Variants in WDR41 observed in about 807,000 individuals in gnomAD.
The protein encoded by WDR41 is WD repeat-containing protein 41.
A neutral mutation model predicts 69.3 loss-of-function variants in WDR41; 63 were observed. The observed-to-expected ratio is 0.91, with a 90% confidence interval of 0.74 to 1.12. The LOEUF is 1.12. Among genes scored for constraint, WDR41 ranks in the 50% most tolerant of loss-of-function variants. The probability of loss-of-function intolerance (pLI) is 0.00; values close to 1 mark genes in which losing one functional copy is unlikely to be tolerated. For synonymous variants in WDR41, 185 were observed against 192.1 expected, an observed-to-expected ratio of 0.96 and a Z score of 0.31; for missense variants, 543 against 534.5, an observed-to-expected ratio of 1.02 and a Z score of -0.16.
intron 2 of WDR41, among the ~76,000 whole-genome samples, chr5:77,473,880 T>C (rs992015824): frequency 6.6e-6 from 1 of 152,218 alleles, no homozygotes; most frequent in Non-Finnish European, 1.5e-5. Flanking sequence ...AGTGTGGCGA[T>C]TCCTCAGGGA....
intron 2 of WDR41, among the ~76,000 whole-genome samples, chr5:77,465,721 C>CT (rs34003396): frequency 6.7e-4 from 97 of 144,014 alleles, no homozygotes; most frequent in Middle Eastern, 3.5e-3. Context: ...CAAATTCAGG[C>CT]TTTTTTTTTT....
intron 1 of WDR41, among the ~76,000 whole-genome samples, chr5:77,561,534 T>C (rs756848715): frequency 4.6e-5 from 7 of 152,170 alleles, no homozygotes; most frequent in Non-Finnish European, 1.0e-4. Context: ...AAATCTTCAT[T>C]GGACAATACA....
chr5:77,519,306 C>T (rs1377054972), intron 1 of WDR41, among the ~76,000 whole-genome samples: 1 of 151,870 alleles, frequency 6.6e-6, no homozygotes, highest in Non-Finnish European at 1.5e-5. Context: ...CCAAACTTAT[C>T]AAACTATACT....
At chr5:77,459,703 T>C (rs1437522250) in intron 4 of WDR41, among the ~76,000 whole-genome samples, 1 of 152,206 alleles carries the variant, frequency 6.6e-6, no homozygotes, top group Non-Finnish European at 1.5e-5. Context: ...TAGTAAGAAA[T>C]ACATTTTACA....
intron 1 of WDR41, among the ~76,000 whole-genome samples, chr5:77,554,324 C>T (rs1378611723): frequency 2.6e-5 from 4 of 152,064 alleles, no homozygotes; most frequent in African/African-American, 9.7e-5. Context: ...GTTTCTGTCC[C>T]CCTGAAATTC....
chr5:77,612,101 G>C (rs961062893), intron 1 of WDR41, among the ~76,000 whole-genome samples: 1 of 152,130 alleles, frequency 6.6e-6, no homozygotes, highest in Non-Finnish European at 1.5e-5. Context: ...GGAAGAAGTT[G>C]AATCTCTGAA....
Position 77,492,190 on chromosome 5 carries a change from C to T in WDR41, c.31G>A (p.Glu11Lys). The change falls in exon 1 of 13, where the codon GAA becomes AAA. Residue 11 changes from glutamate (E) to lysine (K), a missense_variant. Glu to Lys is a moderately conservative substitution (Grantham distance 56, BLOSUM62 1). Coordinates refer to ENST00000296679, the MANE Select transcript of WDR41 (RefSeq NM_018268.4). MLRWLIGGGREPQGLAEKSPL... is the reference protein window; with the variant it reads MLRWLIGGGRKPQGLAEKSPL... Reference sequence around the variant, plus strand: ...TTTACCTCGGCCAGTCCCTGCGGTTCTCGGCCTCCCCCGATCAGCCATCGC... The same window carrying T: ...TTTACCTCGGCCAGTCCCTGCGGTTTTCGGCCTCCCCCGATCAGCCATCGC... The T allele has an allele frequency of 6.2e-7, 1 of 1,612,518 alleles. No individual in the cohort carries two copies. The highest frequency in any genetic ancestry group is 8.5e-7 in the Non-Finnish European group (1 of 1,179,500).
intron 1 of WDR41, among the ~76,000 whole-genome samples, chr5:77,543,018 G>A (rs1743120696): frequency 6.6e-6 from 1 of 152,160 alleles, no homozygotes; most frequent in Non-Finnish European, 1.5e-5. Context: ...CCAGAGCCTG[G>A]TAGACTTGCT....
At chr5:77,564,410 A>AC (rs1743582471) in intron 1 of WDR41, among the ~76,000 whole-genome samples, 2 of 152,116 alleles carry the variant, frequency 1.3e-5, no homozygotes, top group South Asian at 4.1e-4. Context: ...AACGAATTGC[A>AC]TTTTTTCACA....
At chr5:77,498,913 T>A (rs1801975611) in intron 1 of WDR41, among the ~76,000 whole-genome samples, 1 of 151,484 alleles carries the variant, frequency 6.6e-6, no homozygotes, top group Non-Finnish European at 1.5e-5. Flanking sequence ...AAAGAAAAAA[T>A]TGATAAATTG....
At chr5:77,481,562 G>A (rs1490065156) in intron 2 of WDR41, among the ~76,000 whole-genome samples, 1 of 151,954 alleles carries the variant, frequency 6.6e-6, no homozygotes, top group African/African-American at 2.4e-5. Context: ...CGAGGCAGGC[G>A]GAACACGAGA....
chr5:77,600,737 G>A (rs557541499), intron 1 of WDR41, among the ~76,000 whole-genome samples: 46 of 152,058 alleles, frequency 3.0e-4, no homozygotes, highest in African/African-American at 8.9e-4. Context: ...AAAATTAGCC[G>A]GGGGCAGTGG....
intron 1 of WDR41, among the ~76,000 whole-genome samples, chr5:77,500,438 A>T (rs1031733111): frequency 3.9e-5 from 6 of 152,088 alleles, no homozygotes; most frequent in African/African-American, 1.4e-4. Context: ...CACTAGCAAG[A>T]CTGACAAAGA....
intron 1 of WDR41, among the ~76,000 whole-genome samples, chr5:77,586,406 A>G (rs1434998761): frequency 6.6e-6 from 1 of 152,084 alleles, no homozygotes; most frequent in African/African-American, 2.4e-5. Flanking sequence ...TTCTGGATTC[A>G]GTTGATCCTC....
At chr5:77,509,682 G>C (rs935932240) in intron 1 of WDR41, among the ~76,000 whole-genome samples, 2 of 152,148 alleles carry the variant, frequency 1.3e-5, no homozygotes, top group Non-Finnish European at 2.9e-5. Context: ...GGTTGCTTAC[G>C]GGTGGGGAAA....
rs1581778684 is a variant in WDR41, at chr5:77,508,377, GTGCTAGGATGGCAGGCATGA to G, written c.43-18825_43-18806del. ...GATTGACCTGCCTGGTTCTCCCAAA[GTGCTAGGATGGCAGGCATGA>G]GCCACCACACCTGGCCCTTTTATAA... On this transcript the variant is annotated intron_variant, in intron 1 of 5. Coordinates refer to the WDR41 transcript ENST00000509971. Among the ~76,000 whole-genome samples the G allele has an allele frequency of 1.4e-4, 21 of 152,288 alleles. No individual in the cohort carries two copies. The East Asian group carries it at 3.9e-3, about 28-fold the overall frequency.
At chr5:77,543,896 C>T (rs1446472483) in intron 1 of WDR41, among the ~76,000 whole-genome samples, 3 of 152,046 alleles carry the variant, frequency 2.0e-5, no homozygotes, top group African/African-American at 7.3e-5. Context: ...ATCTTAAGAG[C>T]TGTGAGACAA....
chr5:77,508,911 CT>C (rs1802154412), intron 1 of WDR41, among the ~76,000 whole-genome samples: 1 of 152,184 alleles, frequency 6.6e-6, no homozygotes, highest in Non-Finnish European at 1.5e-5. Flanking sequence ...TCTGATTTCA[CT>C]TTAAAACCTT....
chr5:77,454,545 T>C (rs1458020061), intron 5 of WDR41, among the ~76,000 whole-genome samples: 5 of 152,244 alleles, frequency 3.3e-5, no homozygotes, highest in Non-Finnish European at 5.9e-5. Context: ...TTTCTCTGTA[T>C]CTTTAGAATA....
Sources: allele counts gnomAD v4.1 joint callset (sites outside exome capture counted in the v4.1 genomes callset), GRCh38; gene constraint gnomAD v4.1.1; transcripts MANE v1.5; gene names NCBI Gene and HGNC (gene_info 2026-07-23, HGNC 2026-07-21).